Variants in FADS3 observed in about 807,000 individuals in gnomAD.
The protein encoded by FADS3 is cytochrome b5-related protein.
In FADS3, 30 loss-of-function variants were observed where a neutral mutation model predicts 60.4. That is an observed-to-expected ratio of 0.50 (90% CI 0.37 to 0.67). FADS3 has a LOEUF of 0.67. FADS3 is among the 30% of genes least tolerant of loss of function. FADS3 has a pLI of 0.00. For missense variants in FADS3, 432 were observed against 598.3 expected (o/e 0.72, Z 2.90); for synonymous variants, 234 against 249.3 (o/e 0.94, Z 0.58).
rs1938076099 is a variant in FADS3, at chr11:61,880,161, A to G, written c.214-10T>C. ...AGGCACGGAAGGCATCCTGAAGGAG[A>G]GCAGACAGTCAGGCGGACAGACAGA... is the stretch of plus-strand genomic sequence containing the variant. On this transcript the variant is annotated splice_polypyrimidine_tract_variant and intron_variant, in intron 1 of 11. Coordinates refer to ENST00000278829, the MANE Select transcript of FADS3 (RefSeq NM_021727.5). The G allele has an allele frequency of 6.2e-7, 1 of 1,611,008 alleles. No homozygotes were observed.
Position 61,873,603 on chromosome 11 carries a change from T to C in FADS3, c.*211A>G, listed in dbSNP as rs1937756554. 2 of 587,144 alleles carry C rather than the reference T, an allele frequency of 3.4e-6. No individual in the cohort carries two copies. The highest frequency in any genetic ancestry group is 3.2e-5 in the Admixed American group (1 of 31,666). The allele number at this position is 587,144 out of a possible 1,614,324, so 36.4% of individuals were successfully genotyped here. A position where few individuals can be genotyped will look rare whatever the true frequency, so the allele number is the denominator to read the frequency against. On this transcript the variant is annotated 3_prime_UTR_variant, in exon 12 of 12. Coordinates refer to ENST00000278829, the MANE Select transcript of FADS3 (RefSeq NM_021727.5). ...TCTAGGAAAATGTGCTATGCTCACC[T>C]TCCCTCTACCCCTGTCCCATCAGGC...
intron 1 of FADS3, among the ~76,000 whole-genome samples, chr11:61,885,460 C>G (rs1479944477): frequency 1.3e-5 from 2 of 152,222 alleles, no homozygotes; most frequent in Non-Finnish European, 2.9e-5. Context: ...CAGCCCAGCT[C>G]TTTCTGAGCC....
In FADS3 at chr11:61,876,272, C is replaced by G. The variant is rs745743874; in HGVS notation, c.1081-82G>C. The G allele has an allele frequency of 1.9e-6, 3 of 1,576,336 alleles. No individual in the cohort carries two copies. Among genetic ancestry groups the G allele is most frequent in the Non-Finnish European group, 2.6e-6 (3 of 1,156,832 alleles). Reference sequence around the variant, plus strand: ...GGCACCATCCCCCACCTGGCAGCCCCGTCAGGGCCTCATCCCTGCTTTGCC... The same window carrying G: ...GGCACCATCCCCCACCTGGCAGCCCGGTCAGGGCCTCATCCCTGCTTTGCC... On this transcript the variant is annotated intron_variant, in intron 9 of 11. Coordinates refer to ENST00000278829, the MANE Select transcript of FADS3 (RefSeq NM_021727.5). This position sits in a 1 kb window ranked among gnomAD's most constrained non-coding sequence, Gnocchi z 5.7.
Position 61,889,034 on chromosome 11 carries a change from T to TA in FADS3, c.213+2134dup, listed in dbSNP as rs1266130179. Among the ~76,000 whole-genome samples, 5 of 151,980 alleles carry TA rather than the reference T, an allele frequency of 3.3e-5. No homozygotes were observed. The East Asian group carries it at 9.8e-4, about 30-fold the overall frequency. On this transcript the variant is annotated intron_variant, in intron 1 of 11. Transcript: ENST00000278829. The stretch of plus-strand genomic sequence containing the variant: ...CCTCAGCCTCCCAAAGTGCTGGGAT[T>TA]ACAGGCATGCGCCACCACGCCTGGC...
At chr11:61,891,103 C>A (rs1938490631) in intron 1 of FADS3, 66 bp downstream of exon 1, 4 of 1,335,100 alleles carry the variant, frequency 3.0e-6, no homozygotes, top group Admixed American at 2.0e-5. Flanking sequence ...TGGAGCGGGA[C>A]ATCACGCCCA....
In FADS3 at chr11:61,877,208, G is replaced by A; in HGVS notation, c.886-245C>T. The A allele has an allele frequency of 1.8e-6, 1 of 557,528 alleles. No individual in the cohort carries two copies. Among genetic ancestry groups the A allele is most frequent in the Non-Finnish European group, 3.2e-6 (1 of 311,372 alleles). The allele number at this position is 557,528 out of a possible 1,614,324, so 34.5% of individuals were successfully genotyped here. On this transcript the variant is annotated intron_variant, in intron 7 of 11. Coordinates refer to ENST00000278829, the MANE Select transcript of FADS3 (RefSeq NM_021727.5). The surrounding 1 kb of genome is among the most constrained non-coding windows in gnomAD (Gnocchi z 4.7). ...TGCAGGGTGTGTTGGGGAAGACCCT[G>A]CCAGGGACACAGATGCCTGGCAGAG...
chr11:61,886,706 C>T, intron 1 of FADS3, among the ~76,000 whole-genome samples: 1 of 152,180 alleles, frequency 6.6e-6, no homozygotes, highest in South Asian at 2.1e-4. Context: ...AACTCAGTCT[C>T]CTCATCTACA....
intron 1 of FADS3, chr11:61,881,765 C>T (rs1938138809): frequency 1.3e-5 from 2 of 152,212 alleles, no homozygotes; most frequent in South Asian, 4.1e-4. Context: ...TAAGAGGTAA[C>T]ACCTACATGA....
rs373904243 is a variant in FADS3, at chr11:61,873,889, G to A, written c.1287-24C>T. 303 of 1,549,094 alleles carry A rather than the reference G, an allele frequency of 2.0e-4. 1 individual carries two copies. The highest frequency in any genetic ancestry group is 5.1e-4 in the Middle Eastern group (3 of 5,830). On this transcript the variant is annotated intron_variant, in intron 11 of 11. Coordinates refer to ENST00000278829, the MANE Select transcript of FADS3 (RefSeq NM_021727.5). ...ACCTGGGAGGTGGGGGTGGCAGTGGGGGTGGGTGTTAGGAGCTCAGTTGCA... is the reference window on the plus strand; with the variant it reads ...ACCTGGGAGGTGGGGGTGGCAGTGGAGGTGGGTGTTAGGAGCTCAGTTGCA...
In FADS3 at chr11:61,891,337, C is replaced by T. The variant is rs745340278; in HGVS notation, c.45G>A (p.Gln15=). 29 of 1,511,884 alleles carry T rather than the reference C, an allele frequency of 1.9e-5. No homozygotes were observed. The African/African-American group carries it at 3.8e-4, about 20-fold the overall frequency. 93.7% of individuals were successfully genotyped at this position (1,511,884 alleles called of 1,614,324 possible). A position where few individuals can be genotyped will look rare whatever the true frequency, so the allele number is the denominator to read the frequency against. ...GEPGPREGPA[Q]PGAPLPTFCW... ...AGAAGGTGGGCAGCGGCGCCCCCGG[C>T]TGCGCGGGTCCCTCCCGCGGTCCCG... The change falls in exon 1 of 12, where the codon CAG becomes CAA. Residue 15 remains glutamine (Q), a synonymous_variant. Transcript: ENST00000278829.
At chr11:61,878,370 A>C in intron 5 of FADS3, 142 bp downstream of exon 5, 1 of 1,405,784 alleles carries the variant, frequency 7.1e-7, no homozygotes, top group Non-Finnish European at 9.9e-7. Flanking sequence ...GGTGGGAAGG[A>C]AAGACACGGG....
chr11:61,890,061 G>A (rs533801583), intron 1 of FADS3, among the ~76,000 whole-genome samples: 10 of 151,660 alleles, frequency 6.6e-5, no homozygotes, highest in East Asian at 3.9e-4. Context: ...TTCATCCCAC[G>A]GCTGTGCTGT....
intron 1 of FADS3, among the ~76,000 whole-genome samples, chr11:61,886,100 CCT>C (rs1467908986): frequency 6.6e-5 from 10 of 152,224 alleles, no homozygotes; most frequent in Non-Finnish European, 5.9e-5. Flanking sequence ...AAAAGCTACC[CCT>C]GTCCCCCAGC....
chr11:61,875,258 T>C lies in FADS3; in HGVS notation c.1286+593A>G, dbSNP rs544533337. Among the ~76,000 whole-genome samples, 120 of 152,302 alleles carry C rather than the reference T, an allele frequency of 7.9e-4. No homozygotes were observed. The South Asian group carries it at 0.01, about 13-fold the overall frequency. On this transcript the variant is annotated intron_variant, in intron 11 of 11. Coordinates refer to ENST00000278829, the MANE Select transcript of FADS3 (RefSeq NM_021727.5). ...TCTTGCTCTGTTGCCCAGGCTGGAC[T>C]GCAAAGGCACAATCTCAGCTCACTG...
At chr11:61,879,946 C>T (rs927937825) in intron 2 of FADS3, 95 bp downstream of exon 2, 51 of 1,011,400 alleles carry the variant, frequency 5.0e-5, no homozygotes, top group Non-Finnish European at 6.0e-5. Flanking sequence ...GGGCGAATGC[C>T]GAGGGAGCTG....
intron 1 of FADS3, 120 bp downstream of exon 1, chr11:61,891,049 G>A: frequency 1.1e-6 from 1 of 905,322 alleles, no homozygotes; most frequent in Non-Finnish European, 1.7e-6. Flanking sequence ...CGGCGTGGAG[G>A]TCAAAGGTCA....
chr11:61,875,373 A>ATT (rs1565342251), intron 11 of FADS3, among the ~76,000 whole-genome samples: 4 of 89,994 alleles, frequency 4.4e-5, no homozygotes, highest in African/African-American at 1.7e-4. Context: ...CACCCAGCTA[A>ATT]TTTTTGTTTT....
Position 61,877,560 on chromosome 11 carries a change from T to G in FADS3, c.836A>C (p.Asn279Thr). The change falls in exon 7 of 12, where the codon AAC becomes ACC. Residue 279 changes from asparagine (N) to threonine (T), a missense_variant. Physicochemically the swap from Asn to Thr is moderately conservative, Grantham distance 65. Transcript: ENST00000278829. The surrounding 1 kb of genome is among the most constrained non-coding windows in gnomAD (Gnocchi z 4.7). ...LIGPPLLTLV[N>T]FEVENLAYML... ...GTACGCCAGATTTTCCACTTCAAAG[T>G]TCACCAGGGTGAGCAGCGGCGGGCC... is the stretch of plus-strand genomic sequence containing the variant. The G allele has an allele frequency of 6.2e-7, 1 of 1,613,660 alleles. No homozygotes were observed. The highest frequency in any genetic ancestry group is 8.5e-7 in the Non-Finnish European group (1 of 1,179,924).
rs201037232 is a variant in FADS3, at chr11:61,873,614, C to T, written c.*200G>A. 1.7e-6 allele frequency: 1 copy of T among 603,606 alleles called. No homozygotes were observed. The highest frequency in any genetic ancestry group is 2.0e-5 in the South Asian group (1 of 50,894). The allele number at this position is 603,606 out of a possible 1,614,324, so 37.4% of individuals were successfully genotyped here. A position where few individuals can be genotyped will look rare whatever the true frequency, so the allele number is the denominator to read the frequency against. On this transcript the variant is annotated 3_prime_UTR_variant, in exon 12 of 12. Transcript: ENST00000278829. ...GTGCTATGCTCACCTTCCCTCTACC[C>T]CTGTCCCATCAGGCCCAGAGCCAAG...
Sources: gnomAD v4.1 joint callset for allele counts (sites outside exome capture counted in the v4.1 genomes callset) on GRCh38, gnomAD v4.1.1 for gene constraint, Gnocchi (gnomAD v3.1) non-coding constraint, MANE v1.5 for transcripts, NCBI Gene and HGNC (gene_info 2026-07-23, HGNC 2026-07-21) for gene names.